The following CCBE1 variants were observed in gnomAD, a reference collection of about 807,000 sequenced individuals.
The protein encoded by CCBE1 is collagen and calcium-binding EGF domain-containing protein 1.
A neutral mutation model predicts 50.0 loss-of-function variants in CCBE1; 37 were observed. That is an observed-to-expected ratio of 0.74 (90% CI 0.57 to 0.97). CCBE1 has a LOEUF of 0.97. Ranked by LOEUF, CCBE1 falls within the 50% of genes least tolerant of loss-of-function variation. CCBE1 has a pLI of 0.00. For synonymous variants in CCBE1, 234 were observed against 203.7 expected, an observed-to-expected ratio of 1.15 and a Z score of -1.27; for missense variants, 538 against 523.8, an observed-to-expected ratio of 1.03 and a Z score of -0.26.
At chr18:59,543,992 A>G (rs1915586661) in intron 2 of CCBE1, among the ~76,000 whole-genome samples, 1 of 152,216 alleles carries the variant, frequency 6.6e-6, no homozygotes, top group African/African-American at 2.4e-5. Flanking sequence ...TTCTGGAAGC[A>G]GGGGTTTATT....
intron 3 of CCBE1, among the ~76,000 whole-genome samples, chr18:59,478,207 A>C (rs931106024): frequency 2.6e-5 from 4 of 152,110 alleles, no homozygotes. Flanking sequence ...TTGCATCTCC[A>C]CAATCTCATA....
chr18:59,673,309 G>A (rs1233758237), intron 2 of CCBE1, among the ~76,000 whole-genome samples: 1 of 152,136 alleles, frequency 6.6e-6, no homozygotes, highest in Admixed American at 6.5e-5. Flanking sequence ...AAATTAGCTG[G>A]GTGTGGTGGC....
intron 2 of CCBE1, among the ~76,000 whole-genome samples, chr18:59,580,824 C>T (rs1218737129): frequency 6.6e-6 from 1 of 152,166 alleles, no homozygotes; most frequent in African/African-American, 2.4e-5. Flanking sequence ...TATGTTGATG[C>T]CACACATCTG....
chr18:59,536,886 G>A (rs1373443279), intron 2 of CCBE1, among the ~76,000 whole-genome samples: 1 of 151,890 alleles, frequency 6.6e-6, no homozygotes, highest in Non-Finnish European at 1.5e-5. Context: ...CAGCTACTCG[G>A]GAGGCTGAGG....
At chr18:59,457,181 T>C (rs1911235001) in intron 5 of CCBE1, among the ~76,000 whole-genome samples, 5 of 152,224 alleles carry the variant, frequency 3.3e-5, no homozygotes, top group Admixed American at 3.3e-4. Flanking sequence ...TGTTAATGCC[T>C]GCTTTCTAGG....
At chr18:59,458,557 C>G (rs181922377) in intron 5 of CCBE1, among the ~76,000 whole-genome samples, 1 of 152,186 alleles carries the variant, frequency 6.6e-6, no homozygotes, top group African/African-American at 2.4e-5. Flanking sequence ...AATGTTAGAA[C>G]GTATCTTTAG....
At chr18:59,572,108 T>TA (rs534815715) in intron 2 of CCBE1, among the ~76,000 whole-genome samples, 1 of 152,258 alleles carries the variant, frequency 6.6e-6, no homozygotes, top group Non-Finnish European at 1.5e-5. Context: ...AGAATTTTTT[T>TA]ACTTGACATT....
chr18:59,602,465 A>T (rs943523499), intron 2 of CCBE1, among the ~76,000 whole-genome samples: 4 of 152,206 alleles, frequency 2.6e-5, no homozygotes, highest in Non-Finnish European at 5.9e-5. Flanking sequence ...GTATGTATGC[A>T]AAGTATAAAT....
At chr18:59,563,535 G>C (rs2052774101) in intron 2 of CCBE1, among the ~76,000 whole-genome samples, 1 of 152,170 alleles carries the variant, frequency 6.6e-6, no homozygotes, top group Non-Finnish European at 1.5e-5. Flanking sequence ...AAGGGCACCA[G>C]AGGCTGAGAA....
rs770864540 is a variant in CCBE1, at chr18:59,695,009, T to C, written c.212+1620A>G. Among the ~76,000 whole-genome samples the C allele has an allele frequency of 8.3e-4, 127 of 152,208 alleles. 1 individual carries two copies. The highest frequency in any genetic ancestry group is 1.4e-3 in the Non-Finnish European group (98 of 67,996). On this transcript the variant is annotated intron_variant, in intron 2 of 10. Transcript: ENST00000439986. ...GCTAGTGTCTCCTGTTCAAAGAGTA[T>C]AAAAGAAACACCACACTGCTTTAAG...
At chr18:59,499,155 A>G (rs1414686306) in intron 2 of CCBE1, among the ~76,000 whole-genome samples, 3 of 152,252 alleles carry the variant, frequency 2.0e-5, no homozygotes, top group African/African-American at 7.2e-5. Context: ...AGAGCCCACA[A>G]AAGAAATGGA....
At chr18:59,647,307 C>T (rs1259303358) in intron 2 of CCBE1, among the ~76,000 whole-genome samples, 1 of 151,912 alleles carries the variant, frequency 6.6e-6, no homozygotes, top group Admixed American at 6.6e-5. Context: ...ATTAGTGGCA[C>T]AGGAAATGAC....
At chr18:59,591,388 TCAAAGAA>T (rs1421528100) in intron 2 of CCBE1, among the ~76,000 whole-genome samples, 2 of 148,338 alleles carry the variant, frequency 1.3e-5, no homozygotes, top group Non-Finnish European at 3.0e-5. Context: ...ATAAGCAAAG[TCAAAGAA>T]CAAAAGAAAA....
chr18:59,618,014 T>C (rs953808417), intron 2 of CCBE1, among the ~76,000 whole-genome samples: 2 of 152,240 alleles, frequency 1.3e-5, no homozygotes, highest in African/African-American at 2.4e-5. Context: ...ATTTACCCTT[T>C]CAAAGTAATT....
chr18:59,505,665 C>G (rs920410983), intron 2 of CCBE1, among the ~76,000 whole-genome samples: 1 of 152,128 alleles, frequency 6.6e-6, no homozygotes, highest in Non-Finnish European at 1.5e-5. Flanking sequence ...AAAATTGGAA[C>G]AAAATAGTCA....
chr18:59,613,710 G>A (rs1449915263), intron 2 of CCBE1, among the ~76,000 whole-genome samples: 2 of 151,778 alleles, frequency 1.3e-5, no homozygotes, highest in African/African-American at 4.8e-5. Flanking sequence ...ACCAGCCTGG[G>A]CAACATAGTG....
chr18:59,608,119 CG>C (rs2053525135), intron 2 of CCBE1, among the ~76,000 whole-genome samples: 2 of 151,542 alleles, frequency 1.3e-5, no homozygotes, highest in South Asian at 4.2e-4. Context: ...GACTCCGTCT[CG>C]AAAAATAATA....
At position 59,439,573 on chromosome 18, in the gene CCBE1, T is replaced by C. The variant is rs1405383573; in HGVS notation, c.921A>G (p.Pro307=). 3.1e-6 allele frequency: 5 copies of C among 1,614,274 alleles called. No individual in the cohort carries two copies. The highest frequency in any genetic ancestry group is 2.2e-5 in the South Asian group (2 of 91,088). Residue 307 remains proline (P), a synonymous_variant, in exon 9 of 11, where the codon CCA becomes CCG. Transcript: ENST00000439986. ...AACCATCTCTTCCTGGTGCCCCTGG[T>C]GGACCCTGTAATACAAAAGGATCTG... ...IKQGRRGPVG[P]PGAPGRDGSK... is the part of the protein sequence containing the mutation.
intron 2 of CCBE1, among the ~76,000 whole-genome samples, chr18:59,610,908 G>A (rs2053560379): frequency 6.6e-6 from 1 of 152,210 alleles, no homozygotes. Flanking sequence ...GGTTTGATGT[G>A]GGCACAGCCC....
Sources: gnomAD v4.1 joint callset for allele counts (sites outside exome capture counted in the v4.1 genomes callset) on GRCh38, gnomAD v4.1.1 for gene constraint, MANE v1.5 for transcripts, NCBI Gene and HGNC (gene_info 2026-07-23, HGNC 2026-07-21) for gene names.